Variants in FRMPD4 observed in about 807,000 individuals in gnomAD.
The protein encoded by FRMPD4 is FERM and PDZ domain containing 4.
In FRMPD4, 22 loss-of-function variants were observed where a neutral mutation model predicts 94.1. The observed-to-expected ratio is 0.23, with a 90% CI of 0.17 to 0.33. FRMPD4 has a LOEUF of 0.33. Ranked by LOEUF, FRMPD4 falls within the 10% of genes least tolerant of loss-of-function variation. The pLI is 1.00. For missense variants in FRMPD4, 1,111 were observed against 1,339.9 expected (o/e 0.83, Z 2.67); for synonymous variants, 631 against 548.6 (o/e 1.15, Z -2.10).
At chrX:12,421,398 T>TCG (rs1555964244) in intron 1 of FRMPD4, among the ~76,000 whole-genome samples, 1 of 50,855 alleles carries the variant, frequency 2.0e-5, no homozygotes, top group African/African-American at 2.4e-4. Flanking sequence ...GCTTCCATGC[T>TCG]CACGTCTCAA....
At chrX:11,825,181 G>T (rs1231009715) in intron 1 of FRMPD4, among the ~76,000 whole-genome samples, 1 of 90,895 alleles carries the variant, frequency 1.1e-5, no homozygotes, top group African/African-American at 4.4e-5. Flanking sequence ...GCTGCAGGAT[G>T]TGTCTTCTTT....
intron 4 of FRMPD4, among the ~76,000 whole-genome samples, chrX:12,616,572 T>C (rs1266586554): frequency 8.9e-6 from 1 of 112,104 alleles, no homozygotes; most frequent in Non-Finnish European, 1.9e-5. Context: ...ACACTGAGAC[T>C]TGTGTCATAT....
chrX:11,899,192 C>T (rs1459456853), intron 3 of FRMPD4, among the ~76,000 whole-genome samples: 2 of 111,479 alleles, frequency 1.8e-5, no homozygotes, highest in Non-Finnish European at 3.8e-5. Flanking sequence ...ATTTGTCATG[C>T]CTAAAATGCA....
intron 1 of FRMPD4, among the ~76,000 whole-genome samples, chrX:12,143,861 G>A (rs1370113364): frequency 4.5e-5 from 5 of 112,286 alleles, no homozygotes; most frequent in Non-Finnish European, 9.4e-5. Context: ...ATTAGAAGTG[G>A]ACATAATTGT....
chrX:12,597,171 A>G (rs1000600588), intron 2 of FRMPD4, among the ~76,000 whole-genome samples: 4 of 112,468 alleles, frequency 3.6e-5, no homozygotes, highest in East Asian at 2.8e-4. Flanking sequence ...ACTGAACTCA[A>G]TTAACAGAAT....
chrX:12,367,962 G>T (rs1477984771), intron 1 of FRMPD4, among the ~76,000 whole-genome samples: 3 of 112,056 alleles, frequency 2.7e-5, no homozygotes, highest in Non-Finnish European at 5.6e-5. Context: ...TCTCTATCTA[G>T]GCTTAGGTCC....
chrX:12,422,585 A>G (rs1185711723), intron 1 of FRMPD4, among the ~76,000 whole-genome samples: 2 of 112,322 alleles, frequency 1.8e-5, no homozygotes, highest in Admixed American at 9.4e-5. Context: ...GAGAAACTGG[A>G]TAAGTAATGG....
chrX:12,601,066 C>T (rs906815197), intron 2 of FRMPD4, among the ~76,000 whole-genome samples: 1 of 112,321 alleles, frequency 8.9e-6, no homozygotes, highest in Non-Finnish European at 1.9e-5. Flanking sequence ...TTCAAAGCCT[C>T]CTAAAATTCT....
intron 1 of FRMPD4, among the ~76,000 whole-genome samples, chrX:12,493,606 A>G (rs1177736201): frequency 8.9e-6 from 1 of 112,175 alleles, no homozygotes; most frequent in Admixed American, 9.5e-5. Flanking sequence ...TATTTGTGGC[A>G]CAGTGTAAGT....
intron 3 of FRMPD4, among the ~76,000 whole-genome samples, chrX:12,093,297 G>A (rs2055170366): frequency 9.0e-6 from 1 of 111,286 alleles, no homozygotes; most frequent in Admixed American, 9.5e-5. Context: ...GTTGAGAAGA[G>A]AGTGTCCATT....
chrX:12,367,784 G>T (rs779623120), intron 1 of FRMPD4, among the ~76,000 whole-genome samples: 32 of 112,008 alleles, frequency 2.9e-4, no homozygotes, highest in African/African-American at 8.4e-4. Flanking sequence ...AGGAGCTAGT[G>T]AAGAGTTTTG....
rs776530878 is a variant in FRMPD4, at chrX:12,690,236, C to A, written c.723C>A (p.Gly241=). The change falls in exon 8 of 17, where the codon GGC becomes GGA. Residue 241 remains glycine, a synonymous_variant. Transcript: ENST00000675598. ...TTCAAGAGAAGCTCTCCATCAAAGG[C>A]ATTGAACACTTCTCTCTCATGCTGG... ...LTLQEKLSIK[G]IEHFSLMLEQ... 6 of 1,193,918 alleles carry A rather than the reference C, an allele frequency of 5.0e-6. No individual in the cohort carries two copies. In the South Asian group the frequency reaches 1.1e-4, roughly 21 times the overall value.
At chrX:12,665,427 G>A (rs1265199064) in intron 4 of FRMPD4, among the ~76,000 whole-genome samples, 1 of 100,105 alleles carries the variant, frequency 1.0e-5, no homozygotes, top group Non-Finnish European at 2.0e-5. Flanking sequence ...CTGGGCAACA[G>A]AGCGAGACTC....
chrX:12,419,178 C>T (rs1035285725), intron 1 of FRMPD4, among the ~76,000 whole-genome samples: 4 of 111,578 alleles, frequency 3.6e-5, no homozygotes, highest in African/African-American at 6.5e-5. Flanking sequence ...GCCCCCAAAC[C>T]TATTGATTTA....
intron 5 of FRMPD4, among the ~76,000 whole-genome samples, chrX:12,682,266 T>C (rs1008609239): frequency 2.7e-5 from 3 of 112,488 alleles, no homozygotes; most frequent in Non-Finnish European, 3.8e-5. Flanking sequence ...ATGAGAGTCC[T>C]TTTTTAAATT....
chrX:12,563,782 T>C (rs2058682864), intron 2 of FRMPD4, among the ~76,000 whole-genome samples: 2 of 112,424 alleles, frequency 1.8e-5, no homozygotes. Flanking sequence ...TTTTTAACTC[T>C]AACATGTCCT....
At chrX:12,409,059 C>T (rs932807326) in intron 1 of FRMPD4, among the ~76,000 whole-genome samples, 2 of 111,388 alleles carry the variant, frequency 1.8e-5, no homozygotes, top group South Asian at 7.7e-4. Context: ...AGGCAGTGCA[C>T]TCAGCCATTG....
At chrX:11,977,646 A>T (rs1340501470) in intron 3 of FRMPD4, among the ~76,000 whole-genome samples, 1 of 106,674 alleles carries the variant, frequency 9.4e-6, no homozygotes, top group African/African-American at 3.4e-5. Flanking sequence ...GAGACATGAG[A>T]CCTCAATCAA....
intron 1 of FRMPD4, among the ~76,000 whole-genome samples, chrX:12,214,757 T>C (rs1421454840): frequency 1.8e-5 from 2 of 112,320 alleles, no homozygotes; most frequent in East Asian, 5.6e-4. Flanking sequence ...GGTGATAGAA[T>C]ATTAATCATC....
Sources: allele counts gnomAD v4.1 joint callset (sites outside exome capture counted in the v4.1 genomes callset), GRCh38; gene constraint gnomAD v4.1.1; transcripts MANE v1.5; gene names NCBI Gene and HGNC (gene_info 2026-07-23, HGNC 2026-07-21).